Variants in IGSF10 observed in about 807,000 individuals in gnomAD.
The protein encoded by IGSF10 is immunoglobulin superfamily member 10, also known as calvaria mechanical force protein 608.
A neutral mutation model predicts 128.2 loss-of-function variants in IGSF10; 126 were observed. The observed-to-expected ratio is 0.98, with a 90% CI of 0.85 to 1.14. The LOEUF (loss-of-function observed/expected upper bound fraction) is 1.14, where lower values mean the gene tolerates loss of function less well. IGSF10 is among the 50% of genes most tolerant of loss of function. The probability of loss-of-function intolerance (pLI) is 0.00; values close to 1 mark genes in which losing one functional copy is unlikely to be tolerated. For missense variants in IGSF10, 3,295 were observed against 3,149.8 expected (o/e 1.05, Z -1.10); for synonymous variants, 1,185 against 1,146.2 (o/e 1.03, Z -0.68).
the IGSF10 span, among the ~76,000 whole-genome samples, chr3:151,539,303 G>C: frequency 1.3e-5 from 2 of 152,052 alleles, no homozygotes; most frequent in African/African-American, 4.8e-5. Flanking sequence ...GTGAACTTTC[G>C]CATAGCCGCT....
intron 4 of IGSF10, among the ~76,000 whole-genome samples, chr3:151,455,005 C>T (rs1254634615): frequency 6.6e-6 from 1 of 151,294 alleles, no homozygotes; most frequent in Admixed American, 6.6e-5. Flanking sequence ...GATTCTGTCT[C>T]AAAAAAATAA....
At chr3:151,462,637 T>G (rs1419457815), upstream of IGSF10, among the ~76,000 whole-genome samples, 1 of 152,256 alleles carries the variant, frequency 6.6e-6, no homozygotes, top group African/African-American at 2.4e-5. Context: ...CCCTATGGTC[T>G]GAACGTTTAA....
the IGSF10 span, among the ~76,000 whole-genome samples, chr3:151,611,070 T>G: frequency 6.6e-6 from 1 of 152,182 alleles, no homozygotes; most frequent in African/African-American, 2.4e-5. Flanking sequence ...ACATAGTAGG[T>G]TGGTTCAAAA....
In IGSF10 at chr3:151,438,598, C is replaced by T. The variant is rs1175003789; in HGVS notation, c.5964-1G>A. On this transcript the variant is annotated splice_acceptor_variant, in intron 7 of 7. Transcript: ENST00000282466. LOFTEE classifies it high-confidence loss of function. ...GTAGACGTGGATCCAGCTGCCCACT[C>T]TAAGGAGAAAAGAGATTCATTTGAG... 1.9e-6 allele frequency: 3 copies of T among 1,607,994 alleles called. No individual in the cohort carries two copies. The highest frequency in any genetic ancestry group is 1.7e-5 in the Admixed American group (1 of 59,570).
the IGSF10 span, among the ~76,000 whole-genome samples, chr3:151,523,617 C>G: frequency 6.6e-6 from 1 of 152,218 alleles, no homozygotes; most frequent in East Asian, 1.9e-4. Context: ...CAGCCATATG[C>G]AGAAGATTGA....
At chr3:151,463,522 G>GTT (rs1553837055), upstream of IGSF10, among the ~76,000 whole-genome samples, 8 of 31,870 alleles carry the variant, frequency 2.5e-4, no homozygotes, top group South Asian at 1.2e-3. Context: ...TACATTTTCT[G>GTT]GTTTTTTTTT....
chr3:151,569,509 G>C, the IGSF10 span, among the ~76,000 whole-genome samples: 1 of 152,168 alleles, frequency 6.6e-6, no homozygotes, highest in African/African-American at 2.4e-5. Flanking sequence ...GGGCAAAAGT[G>C]ATGCTAAGTG....
rs2108553398 is a variant in IGSF10, at chr3:151,447,394, T to C, written c.2587A>G (p.Thr863Ala). 5 of 1,613,978 alleles carry C rather than the reference T, an allele frequency of 3.1e-6. No homozygotes were observed. The highest frequency in any genetic ancestry group is 2.2e-5 in the East Asian group (1 of 44,882). The part of the protein sequence containing the change: ...PEEPTDFKLS[T>A]AIKTTAMSKN... ...GACATGGCTGTAGTTTTAATAGCAG[T>C]AGACAGTTTGAAATCTGTGGGTTCT... Residue 863 changes from threonine (T) to alanine (A), a missense_variant, in exon 6 of 8, where the codon ACT becomes GCT. By Grantham distance (58) the Thr-to-Ala change is moderately conservative. Coordinates refer to ENST00000282466, the MANE Select transcript of IGSF10 (RefSeq NM_178822.5).
intron 4 of IGSF10, among the ~76,000 whole-genome samples, chr3:151,454,048 T>TGC (rs1398994119): frequency 6.7e-6 from 1 of 149,492 alleles, no homozygotes; most frequent in African/African-American, 2.5e-5. Flanking sequence ...GACAGCGTCT[T>TGC]GCTCTGTCGC....
intron 5 of IGSF10, among the ~76,000 whole-genome samples, chr3:151,452,363 A>T (rs1167894101): frequency 6.6e-6 from 1 of 152,176 alleles, no homozygotes; most frequent in Non-Finnish European, 1.5e-5. Context: ...TAGGCTACAG[A>T]CCCATACAGT....
At chr3:151,477,680 T>C in the IGSF10 span, among the ~76,000 whole-genome samples, 1 of 152,208 alleles carries the variant, frequency 6.6e-6, no homozygotes, top group Non-Finnish European at 1.5e-5. Flanking sequence ...GTTTTTCACT[T>C]CCTTCAACAG....
At chr3:151,553,645 CAATATAT>C in the IGSF10 span, among the ~76,000 whole-genome samples, 1 of 151,032 alleles carries the variant, frequency 6.6e-6, no homozygotes, top group Non-Finnish European at 1.5e-5. Context: ...TATATATATA[CAATATAT>C]ATTTACAATA....
chr3:151,443,998 G>C (rs2108544768), intron 6 of IGSF10, 114 bp from the exon 7 acceptor site: 2 of 796,010 alleles, frequency 2.5e-6, no homozygotes, highest in South Asian at 3.9e-5. Flanking sequence ...TGAAAGCCCA[G>C]CCCTATGGCT....
chr3:151,523,233 C>G, the IGSF10 span, among the ~76,000 whole-genome samples: 1 of 152,102 alleles, frequency 6.6e-6, no homozygotes, highest in Non-Finnish European at 1.5e-5. Flanking sequence ...TTAAAATGGC[C>G]ATACTGCCCA....
At chr3:151,579,615 G>C in the IGSF10 span, among the ~76,000 whole-genome samples, 3 of 151,664 alleles carry the variant, frequency 2.0e-5, no homozygotes, top group South Asian at 6.2e-4. Flanking sequence ...AAAAAAAACT[G>C]CCAGAGAATT....
intron 7 of IGSF10, 55 bp from the exon 8 acceptor site, chr3:151,438,652 GT>G: frequency 1.4e-6 from 2 of 1,407,240 alleles, no homozygotes; most frequent in African/African-American, 1.4e-5. Flanking sequence ...GAGGGAAACT[GT>G]TTTACTCAGG....
Position 151,447,282 on chromosome 3 carries a change from G to C in IGSF10, c.2699C>G (p.Ala900Gly). 1 of 1,614,116 alleles carries C rather than the reference G, an allele frequency of 6.2e-7. No individual in the cohort carries two copies. The highest frequency in any genetic ancestry group is 1.7e-5 in the Admixed American group (1 of 59,992). Residue 900 changes from alanine (A) to glycine (G), a missense_variant, in exon 6 of 8, where the codon GCA (alanine) becomes GGA (glycine). Physicochemically the swap from Ala to Gly is moderately conservative, Grantham distance 60. Coordinates refer to ENST00000282466, the MANE Select transcript of IGSF10 (RefSeq NM_178822.5). ...SSTVFPLLLG[A>G]TEFQDSDQMG... ...CTGGTCAGAGTCCTGAAATTCAGTT[G>C]CTCCAAGTAGCAGTGGAAAGACAGT...
the IGSF10 span, among the ~76,000 whole-genome samples, chr3:151,539,502 A>T: frequency 6.6e-6 from 1 of 152,194 alleles, no homozygotes; most frequent in African/African-American, 2.4e-5. Context: ...ATCTTGGCTT[A>T]AAATATGTTT....
the IGSF10 span, among the ~76,000 whole-genome samples, chr3:151,469,529 T>C: frequency 6.6e-6 from 1 of 152,054 alleles, no homozygotes; most frequent in South Asian, 2.1e-4. Context: ...GTTTCCTGAT[T>C]CTCCTGAAGC....
Sources: allele counts gnomAD v4.1 joint callset (sites outside exome capture counted in the v4.1 genomes callset), GRCh38; gene constraint gnomAD v4.1.1; transcripts MANE v1.5; gene names NCBI Gene and HGNC (gene_info 2026-07-23, HGNC 2026-07-21).